The following BBS9 variants were observed in gnomAD, a reference collection of about 807,000 sequenced individuals.
BBS9 encodes the protein Bardet-Biedl syndrome 9.
In BBS9, 89 loss-of-function variants were observed where a neutral mutation model predicts 117.7. The observed-to-expected ratio is 0.76, with a 90% CI of 0.64 to 0.90. BBS9 has a LOEUF of 0.90. BBS9 is among the 40% of genes least tolerant of loss of function. The probability of loss-of-function intolerance (pLI) is 0.00; values close to 1 mark genes in which losing one functional copy is unlikely to be tolerated. For synonymous variants in BBS9, 379 were observed against 370.9 expected (o/e 1.02, Z -0.25); for missense variants, 982 against 1,042.2 (o/e 0.94, Z 0.80).
chr7:33,584,159 T>A (rs1183801996), intron 21 of BBS9, among the ~76,000 whole-genome samples: 1 of 152,066 alleles, frequency 6.6e-6, no homozygotes, highest in Non-Finnish European at 1.5e-5. Flanking sequence ...TCAATATTTT[T>A]ATACTTATAT....
chr7:33,539,485 TA>T (rs1563327195), intron 21 of BBS9, among the ~76,000 whole-genome samples: 1 of 152,350 alleles, frequency 6.6e-6, no homozygotes, highest in Middle Eastern at 3.4e-3. Flanking sequence ...AGGAAATTTT[TA>T]AAAAGAAAGA....
At chr7:33,209,548 T>G (rs150428626) in intron 5 of BBS9, among the ~76,000 whole-genome samples, 7 of 152,356 alleles carry the variant, frequency 4.6e-5, no homozygotes, top group African/African-American at 1.4e-4. Flanking sequence ...TTGTACTAAT[T>G]ATTCCCATCA....
chr7:33,175,705 G>A (rs564972172), intron 4 of BBS9, among the ~76,000 whole-genome samples: 44 of 152,168 alleles, frequency 2.9e-4, no homozygotes, highest in African/African-American at 9.2e-4. Context: ...GGCTGAGAAA[G>A]GCAAAAGGGA....
chr7:33,329,581 T>TA (rs1364928867), intron 9 of BBS9, among the ~76,000 whole-genome samples: 8 of 149,002 alleles, frequency 5.4e-5, no homozygotes. Flanking sequence ...AATTAAAAAA[T>TA]ATTCCCCCCC....
chr7:33,236,603 C>A (rs913365341), intron 5 of BBS9, among the ~76,000 whole-genome samples: 1 of 151,802 alleles, frequency 6.6e-6, no homozygotes, highest in African/African-American at 2.4e-5. Flanking sequence ...ATTTATACAA[C>A]ACATTATAAT....
intron 19 of BBS9, among the ~76,000 whole-genome samples, chr7:33,466,578 A>G (rs2128944303): frequency 6.6e-6 from 1 of 152,264 alleles, no homozygotes; most frequent in East Asian, 1.9e-4. Context: ...ATCTGTCTGC[A>G]GACACTTCGG....
intron 19 of BBS9, among the ~76,000 whole-genome samples, chr7:33,447,052 A>T (rs1837100633): frequency 6.6e-6 from 1 of 152,280 alleles, no homozygotes; most frequent in African/African-American, 2.4e-5. Context: ...TTATTGAAGG[A>T]TCAGGCCTTA....
chr7:33,291,027 A>G lies in BBS9; in HGVS notation c.1016+17071A>G, dbSNP rs567786269. 2.7e-4 allele frequency among the ~76,000 whole-genome samples: 41 copies of G among 152,324 alleles called. No homozygotes were observed. In the South Asian group the frequency reaches 8.5e-3, roughly 32 times the overall value. On this transcript the variant is annotated intron_variant, in intron 9 of 22. Coordinates refer to ENST00000242067, the MANE Select transcript of BBS9 (RefSeq NM_198428.3). Reference sequence around the variant, plus strand: ...TAGTTAAAAATTTAAAATAGGGTACAAAGCAAAATAAAGTTCTCCTTAAAT... The same window carrying G: ...TAGTTAAAAATTTAAAATAGGGTACGAAGCAAAATAAAGTTCTCCTTAAAT...
chr7:33,353,226 A>G (rs1818995801), intron 15 of BBS9, among the ~76,000 whole-genome samples: 1 of 152,224 alleles, frequency 6.6e-6, no homozygotes, highest in African/African-American at 2.4e-5. Flanking sequence ...AGAGTTTAAA[A>G]AAAGTGTTTG....
At chr7:33,573,714 G>C (rs181312815) in intron 21 of BBS9, among the ~76,000 whole-genome samples, 241 of 152,252 alleles carry the variant, frequency 1.6e-3, no homozygotes, top group Non-Finnish European at 3.0e-3. Flanking sequence ...CACTAGGGGT[G>C]TTACTGACTG....
chr7:33,443,788 T>C (rs1417271732), intron 19 of BBS9, among the ~76,000 whole-genome samples: 1 of 152,216 alleles, frequency 6.6e-6, no homozygotes, highest in Non-Finnish European at 1.5e-5. Context: ...CCATGAATTA[T>C]AACTTTTAAA....
intron 19 of BBS9, among the ~76,000 whole-genome samples, chr7:33,474,661 A>G: frequency 6.6e-6 from 1 of 152,194 alleles, no homozygotes; most frequent in Non-Finnish European, 1.5e-5. Context: ...GAAATAAGGA[A>G]TGCTGGCTGG....
chr7:33,408,830 G>A (rs1350049967), intron 19 of BBS9, among the ~76,000 whole-genome samples: 1 of 152,188 alleles, frequency 6.6e-6, no homozygotes, highest in African/African-American at 2.4e-5. Context: ...TTCCCCAGTA[G>A]TGGAAGTGTT....
At chr7:33,614,188 C>A (rs1014978929) in intron 21 of BBS9, among the ~76,000 whole-genome samples, 1 of 151,984 alleles carries the variant, frequency 6.6e-6, no homozygotes, top group East Asian at 1.9e-4. Context: ...AATGGTTATT[C>A]TTTTTAAAAT....
chr7:33,492,072 G>A (rs915128732), intron 19 of BBS9, among the ~76,000 whole-genome samples: 5 of 151,458 alleles, frequency 3.3e-5, no homozygotes, highest in Non-Finnish European at 5.9e-5. Context: ...GCGTGGTGGC[G>A]AATGCCTATA....
intron 21 of BBS9, among the ~76,000 whole-genome samples, chr7:33,593,095 A>G (rs1335822872): frequency 1.3e-5 from 2 of 152,084 alleles, no homozygotes; most frequent in African/African-American, 2.4e-5. Flanking sequence ...TGTACATTGG[A>G]CTTCTTTAGG....
At chr7:33,607,382 G>A (rs913630065), downstream of BBS9, among the ~76,000 whole-genome samples, 1 of 152,162 alleles carries the variant, frequency 6.6e-6, no homozygotes, top group South Asian at 2.1e-4. Flanking sequence ...AATACTTAAT[G>A]ATTTTGTTCA....
chr7:33,244,885 A>G (rs193296781), intron 5 of BBS9, among the ~76,000 whole-genome samples: 1 of 152,236 alleles, frequency 6.6e-6, no homozygotes, highest in East Asian at 1.9e-4. Flanking sequence ...CTCTTTCCAT[A>G]TTTGTTCAAT....
chr7:33,534,748 C>CT (rs1315478409), intron 21 of BBS9, among the ~76,000 whole-genome samples: 1 of 152,180 alleles, frequency 6.6e-6, no homozygotes, highest in Non-Finnish European at 1.5e-5. Flanking sequence ...GCACCCAGGG[C>CT]TGTCCTTCCC....
Sources: allele counts gnomAD v4.1 joint callset (sites outside exome capture counted in the v4.1 genomes callset), GRCh38; gene constraint gnomAD v4.1.1; transcripts MANE v1.5; gene names NCBI Gene and HGNC (gene_info 2026-07-23, HGNC 2026-07-21).